Variants in YIPF4 observed in about 807,000 individuals in gnomAD.
YIPF4 encodes the protein protein YIPF4.
A neutral mutation model predicts 29.4 loss-of-function variants in YIPF4; 18 were observed. The ratio of observed to expected loss-of-function variants is 0.61; its 90% CI spans 0.42 to 0.91. The LOEUF is 0.91. YIPF4 is among the 40% of genes least tolerant of loss of function. The pLI, the probability that YIPF4 is intolerant of heterozygous loss-of-function variation, is 0.00. For synonymous variants in YIPF4, 115 were observed against 104.7 expected, an observed-to-expected ratio of 1.10 and a Z score of -0.60; for missense variants, 279 against 282.7, an observed-to-expected ratio of 0.99 and a Z score of 0.09.
intron 1 of YIPF4, among the ~76,000 whole-genome samples, chr2:32,285,380 T>C (rs2030619321): frequency 6.6e-6 from 1 of 152,156 alleles, no homozygotes; most frequent in African/African-American, 2.4e-5. Context: ...GTTATATAAA[T>C]CTAGTGAAGA....
intron 1 of YIPF4, among the ~76,000 whole-genome samples, chr2:32,284,830 G>A (rs1034312880): frequency 1.1e-4 from 17 of 152,188 alleles, no homozygotes; most frequent in Admixed American, 4.6e-4. Flanking sequence ...AGAAATGAGA[G>A]GCTTAGTGTG....
chr2:32,298,263 A>G lies in YIPF4; in HGVS notation c.435A>G (p.Ile145Met). ...RVVSWIITIWIFGSLTIFLLA... is the reference protein window; with the variant it reads ...RVVSWIITIWMFGSLTIFLLA... The stretch of plus-strand genomic sequence containing the variant: ...TCTCATGGATTATAACCATTTGGAT[A>G]TTTGGTTCACTAACAATTTTCTTAC... The change falls in exon 4 of 6, where the codon ATA becomes ATG. Residue 145 changes from isoleucine to methionine, a missense_variant. Coordinates refer to ENST00000238831, the MANE Select transcript of YIPF4 (RefSeq NM_032312.4). 6.2e-7 allele frequency: 1 copy of G among 1,610,534 alleles called. No homozygotes were observed.
At chr2:32,284,393 T>C (rs1029732268) in intron 1 of YIPF4, among the ~76,000 whole-genome samples, 2 of 152,164 alleles carry the variant, frequency 1.3e-5, no homozygotes, top group African/African-American at 4.8e-5. Flanking sequence ...AATTGTAATC[T>C]TCAGTGTTGG....
chr2:32,279,487 T>C (rs1202082524), intron 1 of YIPF4, among the ~76,000 whole-genome samples: 3 of 137,358 alleles, frequency 2.2e-5, no homozygotes, highest in African/African-American at 8.2e-5. Flanking sequence ...GAGCTCTGCC[T>C]CCCGGGTTCA....
chr2:32,302,770 T>G (rs959172620), intron 5 of YIPF4, among the ~76,000 whole-genome samples: 1 of 152,192 alleles, frequency 6.6e-6, no homozygotes, highest in Non-Finnish European at 1.5e-5. Context: ...ACTGCTGTTA[T>G]GTAGCTTCCA....
intron 3 of YIPF4, 66 bp from the exon 4 acceptor site, chr2:32,298,168 G>A (rs2031265228): frequency 1.6e-6 from 2 of 1,262,590 alleles, no homozygotes; most frequent in Admixed American, 1.8e-5. Flanking sequence ...GCAGAGAATC[G>A]AGTTCCTGGA....
At chr2:32,280,659 G>A (rs112212709) in intron 1 of YIPF4, among the ~76,000 whole-genome samples, 3 of 152,274 alleles carry the variant, frequency 2.0e-5, no homozygotes, top group African/African-American at 7.2e-5. Context: ...TGGGATTACA[G>A]GCGTGAGCCA....
rs180737618 is a variant in YIPF4 at position 32,306,120 on chromosome 2, T to C, written c.*494T>C. On this transcript the variant is annotated 3_prime_UTR_variant, in exon 6 of 6. Coordinates refer to ENST00000238831, the MANE Select transcript of YIPF4 (RefSeq NM_032312.4). ...TATATTTCTGATAAACATTAAGATATTAAATCTGATGCACAAACTTTTTAA... is the reference window on the plus strand; with the variant it reads ...TATATTTCTGATAAACATTAAGATACTAAATCTGATGCACAAACTTTTTAA... The C allele has an allele frequency of 7.6e-3, 5,860 of 769,198 alleles. 32 individuals carry two copies. The highest frequency in any genetic ancestry group is 9.3e-3 in the Admixed American group (134 of 14,484). 47.6% of individuals were successfully genotyped at this position (769,198 alleles called of 1,614,324 possible).
At position 32,306,361 on chromosome 2, in the gene YIPF4, T is replaced by C; in HGVS notation, c.*735T>C. 1.0e-6 allele frequency: 1 copy of C among 985,780 alleles called. No homozygotes were observed. 61.1% of individuals were successfully genotyped at this position (985,780 alleles called of 1,614,324 possible). A position where few individuals can be genotyped will look rare whatever the true frequency, so the allele number is the denominator to read the frequency against. On this transcript the variant is annotated 3_prime_UTR_variant, in exon 6 of 6. Coordinates refer to ENST00000238831, the MANE Select transcript of YIPF4 (RefSeq NM_032312.4). ...CCAAACATCTGATTTAAAGTTTCTG[T>C]TTATCTTTCTGACCAAAGGAGCAAG...
chr2:32,296,938 T>C (rs2031210213), intron 3 of YIPF4, among the ~76,000 whole-genome samples: 1 of 152,204 alleles, frequency 6.6e-6, no homozygotes, highest in African/African-American at 2.4e-5. Context: ...AATCCAGTAC[T>C]GTCATAATTT....
chr2:32,296,087 A>ATGG (rs1399912663), intron 3 of YIPF4, among the ~76,000 whole-genome samples: 1 of 152,230 alleles, frequency 6.6e-6, no homozygotes, highest in African/African-American at 2.4e-5. Context: ...AAGAAGGTGA[A>ATGG]TGGGGACTCT....
chr2:32,295,244 ACTCT>A lies in YIPF4; in HGVS notation c.405+2900_405+2903del, dbSNP rs796299506. 8.6e-5 allele frequency among the ~76,000 whole-genome samples: 13 copies of A among 151,974 alleles called. 1 individual carries two copies. The highest frequency in any genetic ancestry group is 2.9e-4 in the African/African-American group (12 of 41,392). The stretch of plus-strand genomic sequence containing the variant: ...CACCAAAACACAACATATATACATC[ACTCT>A]CTCATGCCAAATTTAAGGCTTTGAA... On this transcript the variant is annotated intron_variant, in intron 3 of 5. Coordinates refer to ENST00000238831, the MANE Select transcript of YIPF4 (RefSeq NM_032312.4).
At chr2:32,278,890 A>G (rs1340867944) in intron 1 of YIPF4, among the ~76,000 whole-genome samples, 1 of 151,856 alleles carries the variant, frequency 6.6e-6, no homozygotes, top group Non-Finnish European at 1.5e-5. Context: ...TGCTGGAGAT[A>G]TTTTCCTACA....
At chr2:32,286,502 G>A (rs1236534433) in intron 1 of YIPF4, among the ~76,000 whole-genome samples, 1 of 151,978 alleles carries the variant, frequency 6.6e-6, no homozygotes, top group Non-Finnish European at 1.5e-5. Context: ...AGAACAACAT[G>A]ATTAAAAATA....
rs2031267548 is a variant in YIPF4 at position 32,298,225 on chromosome 2, C to CCA, written c.406-8_406-7insAC. The CCA allele has an allele frequency of 6.3e-7, 1 of 1,580,522 alleles. No homozygotes were observed. Among genetic ancestry groups the CCA allele is most frequent in the Non-Finnish European group, 8.6e-7 (1 of 1,158,352 alleles). On this transcript the variant is annotated splice_polypyrimidine_tract_variant and intron_variant, in intron 3 of 5. Coordinates refer to ENST00000238831, the MANE Select transcript of YIPF4 (RefSeq NM_032312.4). ...TAAAAATATTAATTGCATGATTTTT[C>CCA]CCCCTAAGGTGGTCTCATGGATTAT...
intron 3 of YIPF4, 28 bp downstream of exon 3, chr2:32,292,376 C>A: frequency 1.4e-6 from 2 of 1,423,682 alleles, no homozygotes; most frequent in Admixed American, 2.5e-5. Flanking sequence ...TATACAAATT[C>A]TAAATATTTT....
intron 1 of YIPF4, among the ~76,000 whole-genome samples, chr2:32,280,523 C>T (rs1249607474): frequency 2.0e-5 from 3 of 151,262 alleles, no homozygotes; most frequent in Admixed American, 6.6e-5. Context: ...GGACTACAGG[C>T]GCCCGGCACC....
Position 32,305,953 on chromosome 2 carries a change from C to T in YIPF4, c.*327C>T, listed in dbSNP as rs759536666. 15 of 996,412 alleles carry T rather than the reference C, an allele frequency of 1.5e-5. No homozygotes were observed. Among genetic ancestry groups the T allele is most frequent in the Non-Finnish European group, 1.8e-5 (15 of 837,334 alleles). 61.7% of individuals were successfully genotyped at this position (996,412 alleles called of 1,614,324 possible). A position where few individuals can be genotyped will look rare whatever the true frequency, so the allele number is the denominator to read the frequency against. On this transcript the variant is annotated 3_prime_UTR_variant, in exon 6 of 6. Coordinates refer to ENST00000238831, the MANE Select transcript of YIPF4 (RefSeq NM_032312.4). ...CACCTGGATTGGTAATTATATTTCA[C>T]TTAAAGGGTAAATTTGACAATATCT... is the stretch of plus-strand genomic sequence containing the variant.
At chr2:32,297,414 C>G (rs2031236295) in intron 3 of YIPF4, among the ~76,000 whole-genome samples, 1 of 152,038 alleles carries the variant, frequency 6.6e-6, no homozygotes, top group African/African-American at 2.4e-5. Context: ...AGCCACTGTG[C>G]CTGGCCAACC....
Sources: gnomAD v4.1 joint callset for allele counts (sites outside exome capture counted in the v4.1 genomes callset) on GRCh38, gnomAD v4.1.1 for gene constraint, MANE v1.5 for transcripts, NCBI Gene and HGNC (gene_info 2026-07-23, HGNC 2026-07-21) for gene names.